GABRG3: variants seen among roughly 807,000 people sequenced by gnomAD.
GABRG3 encodes gamma-aminobutyric acid type A receptor subunit gamma3, also known as gamma-aminobutyric acid receptor subunit gamma-3.
Under a neutral mutation model 48.8 loss-of-function variants are expected in GABRG3, and 25 were observed. The observed-to-expected ratio is 0.51, with a 90% CI of 0.37 to 0.72. The LOEUF is 0.72. Among genes scored for constraint, GABRG3 ranks in the 30% least tolerant of loss-of-function variants. The pLI is 0.00. For synonymous variants in GABRG3, 227 were observed against 217.6 expected (o/e 1.04, Z -0.38); for missense variants, 394 against 577.9 (o/e 0.68, Z 3.26).
At chr15:27,297,639 A>C (rs1892042458) in intron 3 of GABRG3, among the ~76,000 whole-genome samples, 1 of 152,204 alleles carries the variant, frequency 6.6e-6, no homozygotes, top group African/African-American at 2.4e-5. Flanking sequence ...ATGTTTGTGT[A>C]AGTACACTCT....
chr15:27,467,285 A>G (rs74006953), intron 5 of GABRG3, among the ~76,000 whole-genome samples: 15,260 of 152,134 alleles, frequency 0.1, 1,394 homozygotes, highest in African/African-American at 0.24. Flanking sequence ...TAACCTCCCA[A>G]ATGCCCCACC....
chr15:27,257,263 C>T (rs1762324536), intron 3 of GABRG3, among the ~76,000 whole-genome samples: 1 of 151,830 alleles, frequency 6.6e-6, no homozygotes, highest in African/African-American at 2.4e-5. Flanking sequence ...TATTTTCTTG[C>T]TATTGAATTG....
At chr15:27,243,733 A>T (rs151195219) in intron 3 of GABRG3, among the ~76,000 whole-genome samples, 1 of 152,190 alleles carries the variant, frequency 6.6e-6, no homozygotes, top group African/African-American at 2.4e-5. Flanking sequence ...TGTTAATACC[A>T]ATTCAACATC....
chr15:27,321,306 T>C (rs8031731), intron 3 of GABRG3, among the ~76,000 whole-genome samples: 31,793 of 152,024 alleles, frequency 0.21, 6,674 homozygotes, highest in African/African-American at 0.54. Context: ...ATAAGGGAGG[T>C]GCCTGGGCTA....
chr15:27,368,011 G>A lies in GABRG3; in HGVS notation c.574+39123G>A, dbSNP rs1375933470. ...TTCTTATCTCCCCTTCATCTCATTGGGGTACTTTCAGGTTTGGGCCTCTCA... is the reference window on the plus strand; with the variant it reads ...TTCTTATCTCCCCTTCATCTCATTGAGGTACTTTCAGGTTTGGGCCTCTCA... On this transcript the variant is annotated intron_variant, in intron 5 of 9. Transcript: ENST00000615808. Among the ~76,000 whole-genome samples, 3 of 152,118 alleles carry A rather than the reference G, an allele frequency of 2.0e-5. No homozygotes were observed. The East Asian group carries it at 5.8e-4, about 29-fold the overall frequency.
rs58222645 is a variant in GABRG3, at chr15:27,518,195, CAAAAA to C, written c.713-1760_713-1756del. 9.1e-5 allele frequency among the ~76,000 whole-genome samples: 8 copies of C among 88,028 alleles called. 1 individual carries two copies. The highest frequency in any genetic ancestry group is 3.4e-4 in the African/African-American group (8 of 23,462). The allele number at this position is 88,028 out of a possible 152,430, so 57.7% of individuals were successfully genotyped here. A position where few individuals can be genotyped will look rare whatever the true frequency, so the allele number is the denominator to read the frequency against. On this transcript the variant is annotated intron_variant, in intron 6 of 9. Coordinates refer to ENST00000615808, the MANE Select transcript of GABRG3 (RefSeq NM_033223.5). ...TGAAACCCCAACTCTACTAAAAATACAAAAAAAAAAAAAAAAAAAAAGAATTAGCC... is the reference window on the plus strand; with the variant it reads ...TGAAACCCCAACTCTACTAAAAATACAAAAAAAAAAAAAAAAGAATTAGCC...
At chr15:27,113,690 G>C (rs1348335155) in intron 3 of GABRG3, among the ~76,000 whole-genome samples, 1 of 152,154 alleles carries the variant, frequency 6.6e-6, no homozygotes, top group Non-Finnish European at 1.5e-5. Context: ...GCCTCTTCAG[G>C]TATTCACTTT....
In GABRG3 at chr15:26,976,428, G is replaced by A. The variant is rs1036678031; in HGVS notation, c.54-574G>A. 4.6e-5 allele frequency among the ~76,000 whole-genome samples: 7 copies of A among 152,214 alleles called. No individual in the cohort carries two copies. Among genetic ancestry groups the A allele is most frequent in the Non-Finnish European group, 8.8e-5 (6 of 68,040 alleles). ...GTCATCAGCGAACATCGCTGTCCTT[G>A]CCTCCAATCTGAGTGCCGGCAAAGC... On this transcript the variant is annotated intron_variant, in intron 1 of 9. Coordinates refer to ENST00000615808, the MANE Select transcript of GABRG3 (RefSeq NM_033223.5). The surrounding 1 kb of genome is among the most constrained non-coding windows in gnomAD (Gnocchi z 7.8).
chr15:27,059,470 A>C (rs967431980), intron 3 of GABRG3, among the ~76,000 whole-genome samples: 1 of 152,248 alleles, frequency 6.6e-6, no homozygotes, highest in Non-Finnish European at 1.5e-5. Flanking sequence ...ATAATTTCAA[A>C]GTTTCTATTG....
intron 5 of GABRG3, among the ~76,000 whole-genome samples, chr15:27,427,201 T>C (rs1384917166): frequency 6.6e-6 from 1 of 152,240 alleles, no homozygotes; most frequent in Non-Finnish European, 1.5e-5. Context: ...TAATATTTAA[T>C]GTGCAATAAT....
intron 3 of GABRG3, among the ~76,000 whole-genome samples, chr15:27,082,476 A>G (rs1406618563): frequency 1.3e-5 from 2 of 152,200 alleles, no homozygotes; most frequent in African/African-American, 4.8e-5. Context: ...TTCTGCAGGC[A>G]ATGTTTCAGA....
chr15:27,046,260 AT>A (rs569250980), intron 3 of GABRG3, among the ~76,000 whole-genome samples: 38,885 of 141,292 alleles, frequency 0.28, 7,145 homozygotes, highest in African/African-American at 0.5. Context: ...TACCTGGCTA[AT>A]TTTTTTTTTT....
chr15:27,411,279 C>A (rs1167544764), intron 5 of GABRG3, among the ~76,000 whole-genome samples: 2 of 152,068 alleles, frequency 1.3e-5, no homozygotes, highest in Admixed American at 6.6e-5. Flanking sequence ...TAAAAATAAA[C>A]CCTATGAATG....
intron 3 of GABRG3, among the ~76,000 whole-genome samples, chr15:27,117,526 T>G (rs1897662375): frequency 1.3e-5 from 2 of 152,162 alleles, no homozygotes; most frequent in Non-Finnish European, 2.9e-5. Flanking sequence ...GCACTTGAAT[T>G]GAAACAAATA....
intron 5 of GABRG3, among the ~76,000 whole-genome samples, chr15:27,473,201 G>A (rs1403809179): frequency 2.0e-5 from 3 of 152,166 alleles, no homozygotes; most frequent in African/African-American, 7.2e-5. Context: ...GCATCTGAAT[G>A]TTAAAGGTTT....
intron 5 of GABRG3, among the ~76,000 whole-genome samples, chr15:27,393,725 A>G (rs962997915): frequency 6.6e-6 from 1 of 152,100 alleles, no homozygotes; most frequent in Non-Finnish European, 1.5e-5. Context: ...ATTCTTGACT[A>G]TATCTTCTTA....
intron 3 of GABRG3, among the ~76,000 whole-genome samples, chr15:27,303,811 T>A (rs1295952692): frequency 6.6e-6 from 1 of 151,490 alleles, no homozygotes; most frequent in African/African-American, 2.4e-5. Flanking sequence ...TGTGTGTGTG[T>A]GTGTATATAT....
At chr15:27,216,778 AT>A (rs57030355) in intron 3 of GABRG3, among the ~76,000 whole-genome samples, 48,364 of 117,904 alleles carry the variant, frequency 0.41, 9,397 homozygotes, top group East Asian at 0.61. Flanking sequence ...TTATTTTTTA[AT>A]TTTTTTTTTT....
chr15:27,312,733 AAAG>A (rs1893037356), intron 3 of GABRG3, among the ~76,000 whole-genome samples: 1 of 152,134 alleles, frequency 6.6e-6, no homozygotes, highest in Non-Finnish European at 1.5e-5. Flanking sequence ...AAAAGCTGAG[AAAG>A]TTCATCACTA....
Sources: gnomAD v4.1 joint callset for allele counts (sites outside exome capture counted in the v4.1 genomes callset) on GRCh38, gnomAD v4.1.1 for gene constraint, Gnocchi (gnomAD v3.1) non-coding constraint, MANE v1.5 for transcripts, NCBI Gene and HGNC (gene_info 2026-07-23, HGNC 2026-07-21) for gene names.